NEK10: variants seen among roughly 807,000 people sequenced by gnomAD.
NEK10 encodes the protein serine/threonine-protein kinase Nek10.
In NEK10, 122 loss-of-function variants were observed where a neutral mutation model predicts 159.8. The ratio of observed to expected loss-of-function variants is 0.76; its 90% CI spans 0.66 to 0.89. The LOEUF is 0.89. Ranked by LOEUF, NEK10 falls within the 40% of genes least tolerant of loss-of-function variation. The pLI is 0.00. For synonymous variants in NEK10, 466 were observed against 457.1 expected (o/e 1.02, Z -0.25); for missense variants, 1,342 against 1,323.1 (o/e 1.01, Z -0.22).
chr3:27,232,433 C>A (rs548845799), intron 23 of NEK10, among the ~76,000 whole-genome samples: 8 of 151,842 alleles, frequency 5.3e-5, no homozygotes, highest in Non-Finnish European at 1.0e-4. Context: ...CAAATGGGAA[C>A]ATATCCCATG....
At chr3:27,355,937 T>G (rs2048297071) in intron 1 of NEK10, among the ~76,000 whole-genome samples, 1 of 152,202 alleles carries the variant, frequency 6.6e-6, no homozygotes, top group Non-Finnish European at 1.5e-5. Flanking sequence ...AAATTCATGT[T>G]GAAATTTAAT....
intron 29 of NEK10, among the ~76,000 whole-genome samples, chr3:27,163,484 T>A (rs1946207754): frequency 6.6e-6 from 1 of 152,064 alleles, no homozygotes; most frequent in African/African-American, 2.4e-5. Flanking sequence ...CCCGAGTAGC[T>A]GGGACTACAG....
chr3:27,349,930 A>G (rs1470455943), intron 3 of NEK10, among the ~76,000 whole-genome samples: 2 of 152,194 alleles, frequency 1.3e-5, no homozygotes, highest in Non-Finnish European at 2.9e-5. Flanking sequence ...ATGCAGAGAT[A>G]CACAGAGTGT....
chr3:27,234,906 C>G (rs998731730), intron 23 of NEK10, among the ~76,000 whole-genome samples: 4 of 152,026 alleles, frequency 2.6e-5, no homozygotes, highest in Non-Finnish European at 5.9e-5. Flanking sequence ...GGTATTGGTA[C>G]AAGAACAGAC....
intron 23 of NEK10, among the ~76,000 whole-genome samples, chr3:27,219,384 C>T (rs1442465454): frequency 6.6e-6 from 1 of 152,200 alleles, no homozygotes; most frequent in Middle Eastern, 3.2e-3. Flanking sequence ...TTAGGATGAA[C>T]TGTGTGTGAC....
intron 1 of NEK10, among the ~76,000 whole-genome samples, chr3:27,362,816 G>A (rs935129311): frequency 2.7e-4 from 41 of 151,474 alleles, no homozygotes; most frequent in Non-Finnish European, 5.4e-4. Flanking sequence ...CACTGCCAAC[G>A]CCCTAGTCCA....
Position 27,295,652 on chromosome 3 carries a change from T to A in NEK10, c.1269A>T (p.Pro423=). The A allele has an allele frequency of 6.4e-7, 1 of 1,568,164 alleles. No individual in the cohort carries two copies. Among genetic ancestry groups the A allele is most frequent in the South Asian group, 1.2e-5 (1 of 85,868 alleles). The change falls in exon 15 of 36, where the codon CCA becomes CCT. Residue 423 remains proline (P), a synonymous_variant. Coordinates refer to ENST00000691995, the MANE Select transcript of NEK10 (RefSeq NM_001394966.1). ...GVYTIAKLIL[P]NKQKNAAKSN... is the part of the protein sequence containing the mutation. ...TTTTTGCTGCATTCTTTTGCTTATT[T>A]GGTAAAATTAATTTTGCTATTGTAT...
intron 23 of NEK10, among the ~76,000 whole-genome samples, chr3:27,226,640 A>C (rs911750745): frequency 1.3e-5 from 2 of 152,252 alleles, no homozygotes; most frequent in Non-Finnish European, 2.9e-5. Flanking sequence ...AATTCGTCTC[A>C]GGCTCAACAT....
chr3:27,290,851 A>G, intron 18 of NEK10, 97 bp from the exon 19 acceptor site: 1 of 876,576 alleles, frequency 1.1e-6, no homozygotes, highest in Non-Finnish European at 1.7e-6. Flanking sequence ...AAGTCACATG[A>G]GTAACTAAGT....
chr3:27,297,261 T>A, intron 13 of NEK10, 21 bp from the exon 14 acceptor site: 1 of 1,533,466 alleles, frequency 6.5e-7, no homozygotes, highest in Non-Finnish European at 9.0e-7. Flanking sequence ...AACAATCAAA[T>A]GCATAGTGTG....
intron 29 of NEK10, among the ~76,000 whole-genome samples, chr3:27,164,758 C>A (rs1946331789): frequency 6.6e-6 from 1 of 152,148 alleles, no homozygotes; most frequent in Admixed American, 6.5e-5. Flanking sequence ...CCTCCTGAAT[C>A]CCACTCTCTT....
At chr3:27,140,683 A>G (rs1943696128) in intron 31 of NEK10, among the ~76,000 whole-genome samples, 1 of 152,188 alleles carries the variant, frequency 6.6e-6, no homozygotes, top group African/African-American at 2.4e-5. Flanking sequence ...CTGGCAGCTG[A>G]CAGCATCCCC....
At position 27,252,959 on chromosome 3, in the gene NEK10, T is replaced by C. The variant is rs1452142972; in HGVS notation, c.2090+3337A>G. 3 of 490,336 alleles carry C rather than the reference T, an allele frequency of 6.1e-6. No individual in the cohort carries two copies. The Admixed American group carries it at 6.4e-5, about 10-fold the overall frequency. 30.4% of individuals were successfully genotyped at this position (490,336 alleles called of 1,614,324 possible). A position where few individuals can be genotyped will look rare whatever the true frequency, so the allele number is the denominator to read the frequency against. ...TTAAGCCACTTAAAATTCTCAAAATTTTGAGTGTATTATAGCTTTCTTAAG... is the reference window on the plus strand; with the variant it reads ...TTAAGCCACTTAAAATTCTCAAAATCTTGAGTGTATTATAGCTTTCTTAAG... On this transcript the variant is annotated intron_variant, in intron 23 of 35. Coordinates refer to ENST00000691995, the MANE Select transcript of NEK10 (RefSeq NM_001394966.1).
At chr3:27,263,147 C>A (rs1033069377) in intron 22 of NEK10, among the ~76,000 whole-genome samples, 1 of 152,196 alleles carries the variant, frequency 6.6e-6, no homozygotes, top group African/African-American at 2.4e-5. Context: ...TGGTGAACAG[C>A]AAATGTTGCT....
intron 30 of NEK10, among the ~76,000 whole-genome samples, chr3:27,145,968 C>T (rs530603571): frequency 1.3e-5 from 2 of 152,216 alleles, no homozygotes; most frequent in African/African-American, 4.8e-5. Context: ...AGCTAGAAGG[C>T]GCCTCTGGTT....
At chr3:27,241,267 T>C (rs1954534707) in intron 23 of NEK10, among the ~76,000 whole-genome samples, 2 of 152,170 alleles carry the variant, frequency 1.3e-5, no homozygotes, top group African/African-American at 4.8e-5. Flanking sequence ...CATATCTCTG[T>C]TGTGACAGTC....
At chr3:27,276,390 G>A (rs1483843262) in intron 22 of NEK10, among the ~76,000 whole-genome samples, 1 of 152,036 alleles carries the variant, frequency 6.6e-6, no homozygotes, top group Admixed American at 6.6e-5. Flanking sequence ...AGTGGCAGAA[G>A]GGAGGAAGAG....
At position 27,307,918 on chromosome 3, in the gene NEK10, T is replaced by A. The variant is rs760618872; in HGVS notation, c.744A>T (p.Glu248Asp). 3.3e-6 allele frequency: 5 copies of A among 1,530,954 alleles called. No individual in the cohort carries two copies. In the South Asian group the frequency reaches 5.6e-5, roughly 17 times the overall value. The allele number at this position is 1,530,954 out of a possible 1,614,324, so 94.8% of individuals were successfully genotyped here. A position where few individuals can be genotyped will look rare whatever the true frequency, so the allele number is the denominator to read the frequency against. ...ESQECREKIS[E>D]LNIVENLLMI... Reference sequence around the variant, plus strand: ...TCAACAGATTTTCTACAATGTTGAGTTCACTTATCTTCTCCCTACATTCTT... The same window carrying A: ...TCAACAGATTTTCTACAATGTTGAGATCACTTATCTTCTCCCTACATTCTT... Residue 248 changes from glutamate to aspartate, a missense_variant, in exon 11 of 36, where the codon GAA (glutamate) becomes GAT (aspartate). Physicochemically the swap from Glu to Asp is conservative, Grantham distance 45 (BLOSUM62 2). Coordinates refer to ENST00000691995, the MANE Select transcript of NEK10 (RefSeq NM_001394966.1).
chr3:27,161,552 A>G (rs1210128791), intron 30 of NEK10, among the ~76,000 whole-genome samples: 2 of 152,222 alleles, frequency 1.3e-5, no homozygotes, highest in African/African-American at 4.8e-5. Flanking sequence ...TATGCTCAAG[A>G]GTTGTATGCT....
Sources: gnomAD v4.1 joint callset for allele counts (sites outside exome capture counted in the v4.1 genomes callset) on GRCh38, gnomAD v4.1.1 for gene constraint, MANE v1.5 for transcripts, NCBI Gene and HGNC (gene_info 2026-07-23, HGNC 2026-07-21) for gene names.